The following SGCZ variants were observed in gnomAD, a reference collection of about 807,000 sequenced individuals.
SGCZ encodes the protein zeta-sarcoglycan.
Under a neutral mutation model 41.3 loss-of-function variants are expected in SGCZ, and 40 were observed. The observed-to-expected ratio is 0.97, with a 90% CI of 0.75 to 1.26. SGCZ has a LOEUF of 1.26. Among genes scored for constraint, SGCZ ranks in the 50% most tolerant of loss-of-function variants. The pLI, the probability that SGCZ is intolerant of heterozygous loss-of-function variation, is 0.00. For missense variants in SGCZ, 552 were observed against 369.8 expected (o/e 1.49, Z -4.04); for synonymous variants, 206 against 137.5 (o/e 1.50, Z -3.49).
At chr8:15,108,338 T>G (rs1806911881) in intron 1 of SGCZ, among the ~76,000 whole-genome samples, 1 of 152,172 alleles carries the variant, frequency 6.6e-6, no homozygotes, top group South Asian at 2.1e-4. Context: ...AGGTCTGAGG[T>G]TGCTCACTAC....
chr8:14,712,839 C>A (rs1366153093), intron 1 of SGCZ, among the ~76,000 whole-genome samples: 3 of 152,026 alleles, frequency 2.0e-5, no homozygotes, highest in African/African-American at 7.2e-5. Flanking sequence ...GAATGAGTCA[C>A]TGGGTTTTCT....
At chr8:14,234,291 T>C (rs1282849655) in intron 4 of SGCZ, among the ~76,000 whole-genome samples, 1 of 152,056 alleles carries the variant, frequency 6.6e-6, no homozygotes. Flanking sequence ...GTACATAGGA[T>C]GGCCTAATCA....
intron 1 of SGCZ, among the ~76,000 whole-genome samples, chr8:14,711,374 G>C (rs888509471): frequency 6.7e-6 from 1 of 148,174 alleles, no homozygotes; most frequent in Non-Finnish European, 1.5e-5. Flanking sequence ...CAGATCCCTT[G>C]AGATCAGGAG....
chr8:14,251,307 A>G (rs1799276790), intron 3 of SGCZ, among the ~76,000 whole-genome samples: 2 of 152,184 alleles, frequency 1.3e-5, no homozygotes, highest in African/African-American at 4.8e-5. Context: ...TTTTTCTCTC[A>G]GGGATAATTA....
At position 14,090,405 on chromosome 8, in the gene SGCZ, A is replaced by G. The variant is rs1194669851; in HGVS notation, c.*38T>C. 1.3e-6 allele frequency: 2 copies of G among 1,591,254 alleles called. No individual in the cohort carries two copies. Among genetic ancestry groups the G allele is most frequent in the Non-Finnish European group, 1.7e-6 (2 of 1,168,236 alleles). On this transcript the variant is annotated 3_prime_UTR_variant, in exon 8 of 8. Coordinates refer to ENST00000382080, the MANE Select transcript of SGCZ (RefSeq NM_139167.4). ...AGAACTGTGAAGCAGACGGACAGGAACAAAAGGCTATTCTGGTGTGAGGAG... is the reference window on the plus strand; with the variant it reads ...AGAACTGTGAAGCAGACGGACAGGAGCAAAAGGCTATTCTGGTGTGAGGAG...
intron 3 of SGCZ, among the ~76,000 whole-genome samples, chr8:14,270,862 G>A (rs1585304257): frequency 6.6e-6 from 1 of 152,206 alleles, no homozygotes; most frequent in African/African-American, 2.4e-5. Flanking sequence ...GGAATACTAT[G>A]CAGCCATAAA....
intron 1 of SGCZ, among the ~76,000 whole-genome samples, chr8:14,658,334 C>T (rs1044673027): frequency 1.5e-4 from 23 of 152,180 alleles, no homozygotes; most frequent in African/African-American, 5.5e-4. Flanking sequence ...GTTGTCCTAA[C>T]TAGTCTGCTG....
At position 14,667,028 on chromosome 8, in the gene SGCZ, T is replaced by C. The variant is rs374060639; in HGVS notation, c.40-112102A>G. 2.6e-5 allele frequency among the ~76,000 whole-genome samples: 4 copies of C among 152,208 alleles called. No homozygotes were observed. The East Asian group carries it at 5.8e-4, about 22-fold the overall frequency. ...GCAATGATCAGTTTATATATAGCAA[T>C]GATAATAGAGACATATAGAGAGAGA... On this transcript the variant is annotated intron_variant, in intron 1 of 7. Coordinates refer to ENST00000382080, the MANE Select transcript of SGCZ (RefSeq NM_139167.4).
At chr8:14,322,009 G>T (rs1431628933) in intron 3 of SGCZ, among the ~76,000 whole-genome samples, 1 of 152,106 alleles carries the variant, frequency 6.6e-6, no homozygotes, top group South Asian at 2.1e-4. Context: ...TCATGGACAA[G>T]TGAATCATAA....
chr8:14,708,460 T>G (rs1380757941), intron 1 of SGCZ, among the ~76,000 whole-genome samples: 3 of 152,028 alleles, frequency 2.0e-5, no homozygotes, highest in African/African-American at 7.2e-5. Context: ...ATTTGGATAT[T>G]TTTGACCTAC....
chr8:15,075,374 C>T (rs1257946768), intron 1 of SGCZ, among the ~76,000 whole-genome samples: 1 of 152,056 alleles, frequency 6.6e-6, no homozygotes, highest in Non-Finnish European at 1.5e-5. Context: ...AATGCCCTGA[C>T]ATTTTATGGG....
chr8:14,197,864 C>A (rs940949638), intron 4 of SGCZ, among the ~76,000 whole-genome samples: 1 of 151,896 alleles, frequency 6.6e-6, no homozygotes, highest in Non-Finnish European at 1.5e-5. Context: ...AAAACTTAAA[C>A]AATTTCTATT....
chr8:14,397,541 C>A lies in SGCZ; in HGVS notation c.235-73337G>T, dbSNP rs1304821292. ...AAGTAACTCCCTGTTCCACTGTACA[C>A]AAAAGCCAGCAATATTATTGCATAT... is the stretch of plus-strand genomic sequence containing the variant. On this transcript the variant is annotated intron_variant, in intron 2 of 7. Transcript: ENST00000382080. Among the ~76,000 whole-genome samples the A allele has an allele frequency of 2.6e-5, 4 of 152,058 alleles. No individual in the cohort carries two copies. The East Asian group carries it at 5.8e-4, about 22-fold the overall frequency.
intron 1 of SGCZ, among the ~76,000 whole-genome samples, chr8:14,583,474 T>G (rs1480216435): frequency 6.6e-6 from 1 of 152,082 alleles, no homozygotes; most frequent in Non-Finnish European, 1.5e-5. Context: ...ACTCTGATGG[T>G]AGTTTCTTTT....
chr8:14,652,555 G>A (rs1015962606), intron 1 of SGCZ, among the ~76,000 whole-genome samples: 5 of 151,700 alleles, frequency 3.3e-5, no homozygotes, highest in African/African-American at 4.8e-5. Context: ...AGTGAATTCC[G>A]ACAGCAAGAA....
chr8:14,920,550 G>A (rs1799559288), intron 1 of SGCZ, among the ~76,000 whole-genome samples: 1 of 152,136 alleles, frequency 6.6e-6, no homozygotes. Context: ...CCATAGACTG[G>A]AGGGTAAGTC....
chr8:14,198,110 A>G (rs1200632263), intron 4 of SGCZ, among the ~76,000 whole-genome samples: 1 of 152,228 alleles, frequency 6.6e-6, no homozygotes, highest in Non-Finnish European at 1.5e-5. Context: ...AGAAAGAAAC[A>G]ATTCATAAGT....
chr8:15,160,679 G>C (rs1799485234), intron 1 of SGCZ, among the ~76,000 whole-genome samples: 1 of 152,134 alleles, frequency 6.6e-6, no homozygotes, highest in South Asian at 2.1e-4. Flanking sequence ...CTCCACTTAA[G>C]TGTTCAGTAG....
At chr8:15,124,821 C>T (rs1458151958) in intron 1 of SGCZ, among the ~76,000 whole-genome samples, 2 of 151,912 alleles carry the variant, frequency 1.3e-5, no homozygotes, top group Non-Finnish European at 2.9e-5. Context: ...CAAAATAATA[C>T]AATTAAGATC....
Sources: allele counts gnomAD v4.1 joint callset (sites outside exome capture counted in the v4.1 genomes callset), GRCh38; gene constraint gnomAD v4.1.1; transcripts MANE v1.5; gene names NCBI Gene and HGNC (gene_info 2026-07-23, HGNC 2026-07-21).